ATP8B4: variants seen among roughly 807,000 people sequenced by gnomAD.
ATP8B4 encodes probable phospholipid-transporting ATPase IM.
A neutral mutation model predicts 145.6 loss-of-function variants in ATP8B4; 133 were observed. The observed-to-expected ratio is 0.91, with a 90% confidence interval of 0.79 to 1.05. The LOEUF (loss-of-function observed/expected upper bound fraction) is 1.05, where lower values mean the gene tolerates loss of function less well. Among genes scored for constraint, ATP8B4 ranks in the 50% least tolerant of loss-of-function variants. ATP8B4 has a pLI of 0.00. For missense variants in ATP8B4, 1,458 were observed against 1,425.2 expected (o/e 1.02, Z -0.37); for synonymous variants, 507 against 492.9 (o/e 1.03, Z -0.38).
intron 9 of ATP8B4, among the ~76,000 whole-genome samples, chr15:49,990,336 C>T (rs538160330): frequency 3.4e-4 from 52 of 152,206 alleles, no homozygotes; most frequent in African/African-American, 1.2e-3. Flanking sequence ...AGGAAAAAAT[C>T]GCATCATTTC....
intron 6 of ATP8B4, among the ~76,000 whole-genome samples, chr15:50,032,542 A>T (rs2050528273): frequency 6.6e-6 from 1 of 152,336 alleles, no homozygotes; most frequent in East Asian, 1.9e-4. Flanking sequence ...TACTTTGGGC[A>T]AATATCCAGT....
intron 6 of ATP8B4, among the ~76,000 whole-genome samples, chr15:50,024,251 G>T (rs1478675554): frequency 6.6e-6 from 1 of 152,016 alleles, no homozygotes; most frequent in Non-Finnish European, 1.5e-5. Flanking sequence ...ATAGAGGTAG[G>T]TTATTTCCAA....
At chr15:50,157,664 T>C (rs1342283661) in intron 1 of ATP8B4, among the ~76,000 whole-genome samples, 3 of 152,316 alleles carry the variant, frequency 2.0e-5, no homozygotes, top group African/African-American at 4.8e-5. Context: ...CATTGGTATT[T>C]TGATAGAGAT....
At chr15:50,085,621 G>T (rs761398549) in intron 2 of ATP8B4, among the ~76,000 whole-genome samples, 42 of 151,830 alleles carry the variant, frequency 2.8e-4, no homozygotes, top group Non-Finnish European at 5.2e-4. Context: ...GAAATATAGA[G>T]CTACAAGTAA....
At position 49,934,051 on chromosome 15, in the gene ATP8B4, G is replaced by C. The variant is rs761916821; in HGVS notation, c.1419C>G (p.Leu473=). 6.8e-6 allele frequency: 11 copies of C among 1,612,320 alleles called. No homozygotes were observed. The South Asian group carries it at 1.1e-4, about 16-fold the overall frequency. The part of the protein sequence containing the change: ...KVHEFLRLLA[L]CHTVMSEENS... Reference sequence around the variant, plus strand: ...TCTCTTCTGACATTACAGTGTGGCAGAGAGCAAGTAACCTAAGGAATTCAT... The same window carrying C: ...TCTCTTCTGACATTACAGTGTGGCACAGAGCAAGTAACCTAAGGAATTCAT... Residue 473 remains leucine, a synonymous_variant, in exon 15 of 28, where the codon CTC becomes CTG. Coordinates refer to ENST00000284509, the MANE Select transcript of ATP8B4 (RefSeq NM_024837.4).
At position 49,934,053 on chromosome 15, in the gene ATP8B4, G is replaced by A. The variant is rs568353492; in HGVS notation, c.1417C>T (p.Leu473Phe). Residue 473 changes from leucine to phenylalanine, a missense_variant, in exon 15 of 28, where the codon CTC (leucine) becomes TTC (phenylalanine). Physicochemically the swap from Leu to Phe is conservative, Grantham distance 22. Coordinates refer to ENST00000284509, the MANE Select transcript of ATP8B4 (RefSeq NM_024837.4). ...KVHEFLRLLALCHTVMSEENS... is the reference protein window; with the variant it reads ...KVHEFLRLLAFCHTVMSEENS... ...TCTTCTGACATTACAGTGTGGCAGAGAGCAAGTAACCTAAGGAATTCATGA... is the reference window on the plus strand; with the variant it reads ...TCTTCTGACATTACAGTGTGGCAGAAAGCAAGTAACCTAAGGAATTCATGA... 6.2e-7 allele frequency: 1 copy of A among 1,612,518 alleles called. No homozygotes were observed. The highest frequency in any genetic ancestry group is 8.5e-7 in the Non-Finnish European group (1 of 1,179,064).
intron 4 of ATP8B4, among the ~76,000 whole-genome samples, chr15:50,045,171 T>C (rs1312364116): frequency 2.6e-5 from 4 of 152,206 alleles, no homozygotes; most frequent in African/African-American, 9.7e-5. Flanking sequence ...TGTTTTTGTA[T>C]AATCCCAGAA....
intron 7 of ATP8B4, among the ~76,000 whole-genome samples, chr15:50,007,114 A>AAAAT (rs1231837341): frequency 2.6e-5 from 4 of 152,236 alleles, no homozygotes; most frequent in Non-Finnish European, 5.9e-5. Flanking sequence ...TAAATAAATA[A>AAAAT]AAATAAATAA....
At chr15:49,868,944 G>A (rs2033249057) in intron 25 of ATP8B4, among the ~76,000 whole-genome samples, 1 of 152,186 alleles carries the variant, frequency 6.6e-6, no homozygotes, top group Admixed American at 6.5e-5. Context: ...TTGTTGAGAT[G>A]GAGTCTTGCT....
rs192699613 is a variant in ATP8B4, at chr15:50,172,158, C to T, written c.-43+10103G>A. ...TTGGTCTCCCTCTCCCTCCCACTCC[C>T]GCTCCCTCTTTGCACAGTCTCCCTC... is the stretch of plus-strand genomic sequence containing the variant. On this transcript the variant is annotated intron_variant, in intron 1 of 3. Coordinates refer to the ATP8B4 transcript ENST00000558829. 7.9e-5 allele frequency among the ~76,000 whole-genome samples: 12 copies of T among 152,330 alleles called. No individual in the cohort carries two copies. In the South Asian group the frequency reaches 1.2e-3, roughly 16 times the overall value.
chr15:49,985,033 C>T (rs1227567504), intron 10 of ATP8B4, among the ~76,000 whole-genome samples: 1 of 151,948 alleles, frequency 6.6e-6, no homozygotes, highest in African/African-American at 2.4e-5. Flanking sequence ...ATATTCATTG[C>T]ACAATTCCTA....
At chr15:50,035,989 C>T (rs1318664588) in intron 6 of ATP8B4, among the ~76,000 whole-genome samples, 1 of 152,188 alleles carries the variant, frequency 6.6e-6, no homozygotes, top group East Asian at 1.9e-4. Context: ...AGCCCAGATC[C>T]CCTCCAGCCA....
At chr15:49,867,535 T>G (rs2033003723) in intron 25 of ATP8B4, among the ~76,000 whole-genome samples, 1 of 152,190 alleles carries the variant, frequency 6.6e-6, no homozygotes, top group South Asian at 2.1e-4. Flanking sequence ...TCCAGTTCAT[T>G]TGGCTGCCAA....
At chr15:50,077,541 CA>C (rs1245232188) in intron 2 of ATP8B4, among the ~76,000 whole-genome samples, 6 of 152,116 alleles carry the variant, frequency 3.9e-5, no homozygotes, top group Non-Finnish European at 8.8e-5. Flanking sequence ...AATTCAGAGT[CA>C]GTAAATATGA....
At chr15:49,921,369 C>T (rs1005884015) in intron 17 of ATP8B4, among the ~76,000 whole-genome samples, 3 of 152,156 alleles carry the variant, frequency 2.0e-5, no homozygotes, top group African/African-American at 7.2e-5. Flanking sequence ...GCATACTCTT[C>T]CTTTTTCCTG....
intron 3 of ATP8B4, among the ~76,000 whole-genome samples, chr15:50,060,087 C>G (rs529270345): frequency 6.6e-6 from 1 of 152,086 alleles, no homozygotes; most frequent in African/African-American, 2.4e-5. Flanking sequence ...GCACTTGCCT[C>G]GGCCGAGCCA....
chr15:49,862,108 T>C, intron 27 of ATP8B4, 137 bp downstream of exon 27: 1 of 1,109,600 alleles, frequency 9.0e-7, no homozygotes, highest in Non-Finnish European at 1.3e-6. Context: ...TCTATTCTGA[T>C]GTGATCTCAT....
chr15:49,909,722 CAAA>C (rs995336781), intron 20 of ATP8B4, among the ~76,000 whole-genome samples: 1 of 72,014 alleles, frequency 1.4e-5, no homozygotes. Context: ...CTTTGTTTAC[CAAA>C]AAAAAAAAAA....
intron 2 of ATP8B4, among the ~76,000 whole-genome samples, chr15:50,105,386 G>A (rs1406641421): frequency 6.6e-6 from 1 of 151,934 alleles, no homozygotes. Context: ...TAAGGTGAAG[G>A]GTTTCTGCGT....
Sources: gnomAD v4.1 joint callset for allele counts (sites outside exome capture counted in the v4.1 genomes callset) on GRCh38, gnomAD v4.1.1 for gene constraint, MANE v1.5 for transcripts, NCBI Gene and HGNC (gene_info 2026-07-23, HGNC 2026-07-21) for gene names.